Variants in ADGRG6 observed in about 807,000 individuals in gnomAD.
ADGRG6 encodes adhesion G protein-coupled receptor G6.
Under a neutral mutation model 142.4 loss-of-function variants are expected in ADGRG6, and 84 were observed. The observed-to-expected ratio is 0.59, with a 90% CI of 0.49 to 0.71. ADGRG6 has a LOEUF of 0.71. Ranked by LOEUF, ADGRG6 falls within the 30% of genes least tolerant of loss-of-function variation. The pLI, the probability that ADGRG6 is intolerant of heterozygous loss-of-function variation, is 0.00. For missense variants in ADGRG6, 1,367 were observed against 1,466.6 expected, an observed-to-expected ratio of 0.93 and a Z score of 1.11; for synonymous variants, 521 against 520.5, an observed-to-expected ratio of 1.00 and a Z score of -0.01.
At chr6:142,397,100 T>C (rs935037495) in intron 9 of ADGRG6, among the ~76,000 whole-genome samples, 1 of 151,450 alleles carries the variant, frequency 6.6e-6, no homozygotes, top group Non-Finnish European at 1.5e-5. Flanking sequence ...TAGAAAATCA[T>C]TTGTTGCTAT....
At chr6:142,407,547 CA>C (rs1283343930) in intron 15 of ADGRG6, among the ~76,000 whole-genome samples, 1 of 152,086 alleles carries the variant, frequency 6.6e-6, no homozygotes. Flanking sequence ...CTTATTGGTC[CA>C]AACCATTTTA....
At position 142,443,653 on chromosome 6, in the gene ADGRG6, G is replaced by T; in HGVS notation, c.*138G>T. ...AATGTATTTTGTTAAGAAGGCTTTTGTGAAATTCAGAATTTTTCTTTTTAA... is the reference window on the plus strand; with the variant it reads ...AATGTATTTTGTTAAGAAGGCTTTTTTGAAATTCAGAATTTTTCTTTTTAA... On this transcript the variant is annotated 3_prime_UTR_variant, in exon 25 of 25. Transcript: ENST00000367609. 1.8e-6 allele frequency: 1 copy of T among 543,464 alleles called. No homozygotes were observed. The highest frequency in any genetic ancestry group is 3.2e-5 in the East Asian group (1 of 31,348). 33.7% of individuals were successfully genotyped at this position (543,464 alleles called of 1,614,324 possible).
intron 2 of ADGRG6, among the ~76,000 whole-genome samples, chr6:142,349,626 C>T (rs1382335581): frequency 6.6e-6 from 1 of 152,182 alleles, no homozygotes; most frequent in East Asian, 1.9e-4. Context: ...GCCAGTGCTC[C>T]ACAGCATCTA....
chr6:142,329,350 A>G (rs145171183), intron 2 of ADGRG6, among the ~76,000 whole-genome samples: 11 of 152,246 alleles, frequency 7.2e-5, no homozygotes, highest in Non-Finnish European at 1.6e-4. Flanking sequence ...GTTGTTTGCA[A>G]TTTCATTTTA....
chr6:142,419,180 C>T (rs927901463), intron 21 of ADGRG6, among the ~76,000 whole-genome samples: 11 of 152,128 alleles, frequency 7.2e-5, no homozygotes, highest in Non-Finnish European at 1.5e-4. Flanking sequence ...TTGCACATGA[C>T]AAGAAACATG....
At chr6:142,314,603 C>G (rs1397811469) in intron 2 of ADGRG6, among the ~76,000 whole-genome samples, 1 of 152,110 alleles carries the variant, frequency 6.6e-6, no homozygotes, top group African/African-American at 2.4e-5. Flanking sequence ...TTTCGTGTAT[C>G]AATTTGTTTG....
rs1009020526 is a variant in ADGRG6, at chr6:142,379,640, G to A, written c.1070-2311G>A. Among the ~76,000 whole-genome samples the A allele has an allele frequency of 1.6e-4, 24 of 152,240 alleles. No individual in the cohort carries two copies. In the East Asian group the frequency reaches 2.3e-3, roughly 15 times the overall value. ...AAATTAGCCTGGCGTGGTGACGGGCGCCTGTAGTCCCAGCTACTCGGGAGG... is the reference window on the plus strand; with the variant it reads ...AAATTAGCCTGGCGTGGTGACGGGCACCTGTAGTCCCAGCTACTCGGGAGG... On this transcript the variant is annotated intron_variant, in intron 4 of 24. Coordinates refer to ENST00000367609, the MANE Select transcript of ADGRG6 (RefSeq NM_198569.3).
chr6:142,366,218 C>T (rs1461070524), intron 2 of ADGRG6, among the ~76,000 whole-genome samples: 4 of 152,174 alleles, frequency 2.6e-5, no homozygotes, highest in East Asian at 1.9e-4. Context: ...CCCCTGTCTA[C>T]CTCAGAAGGG....
At position 142,400,632 on chromosome 6, in the gene ADGRG6, A is replaced by G. The variant is rs187131337; in HGVS notation, c.1679+36A>G. 576 of 1,048,254 alleles carry G rather than the reference A, an allele frequency of 5.5e-4. 4 individuals carry two copies. The East Asian group carries it at 0.013, about 24-fold the overall frequency. 64.9% of individuals were successfully genotyped at this position (1,048,254 alleles called of 1,614,324 possible). On this transcript the variant is annotated intron_variant, in intron 11 of 24. Coordinates refer to ENST00000367609, the MANE Select transcript of ADGRG6 (RefSeq NM_198569.3). ...CACTGACTCTTGCCAGCAAAGCTAC[A>G]TGTTATCAGCCTTCCCAGGGTTATA...
At chr6:142,440,551 C>A (rs1261648297) in intron 24 of ADGRG6, among the ~76,000 whole-genome samples, 1 of 152,176 alleles carries the variant, frequency 6.6e-6, no homozygotes, top group Non-Finnish European at 1.5e-5. Flanking sequence ...CTGCCTCAGC[C>A]TCCCAGAGTC....
intron 2 of ADGRG6, among the ~76,000 whole-genome samples, chr6:142,321,185 GAATTA>G (rs1778495476): frequency 1.3e-5 from 2 of 151,728 alleles, no homozygotes; most frequent in South Asian, 4.2e-4. Flanking sequence ...ACAATAGTCT[GAATTA>G]AATTAAAAAA....
At chr6:142,434,980 A>T (rs1451226915) in intron 22 of ADGRG6, among the ~76,000 whole-genome samples, 1 of 152,140 alleles carries the variant, frequency 6.6e-6, no homozygotes, top group Non-Finnish European at 1.5e-5. Context: ...ATAACCTTAG[A>T]CTTATTTTGC....
chr6:142,316,434 T>TCTCATAACAGAAAA (rs1778072839), intron 2 of ADGRG6, among the ~76,000 whole-genome samples: 1 of 152,178 alleles, frequency 6.6e-6, no homozygotes, highest in Admixed American at 6.6e-5. Flanking sequence ...CTCATAATTT[T>TCTCATAACAGAAAA]TGCAAACAGA....
intron 3 of ADGRG6, among the ~76,000 whole-genome samples, chr6:142,369,170 G>A (rs1257838006): frequency 1.3e-5 from 2 of 151,988 alleles, no homozygotes; most frequent in African/African-American, 2.4e-5. Context: ...GTATTTTTGA[G>A]GAGAAATACT....
intron 22 of ADGRG6, among the ~76,000 whole-genome samples, chr6:142,434,523 A>G (rs779696820): frequency 6.6e-6 from 1 of 152,022 alleles, no homozygotes; most frequent in African/African-American, 2.4e-5. Context: ...ATGGGGTTTC[A>G]CTATGTTGGC....
chr6:142,428,197 ATC>A (rs1200387050), intron 22 of ADGRG6, among the ~76,000 whole-genome samples: 1 of 152,080 alleles, frequency 6.6e-6, no homozygotes, highest in African/African-American at 2.4e-5. Flanking sequence ...TGAAGAGTCT[ATC>A]TATAAAATTT....
chr6:142,435,937 T>A (rs1335243925), intron 22 of ADGRG6, among the ~76,000 whole-genome samples: 1 of 152,120 alleles, frequency 6.6e-6, no homozygotes. Context: ...AGAAGAGCGT[T>A]CAGCATGGTA....
intron 10 of ADGRG6, among the ~76,000 whole-genome samples, chr6:142,399,797 C>G (rs2115008036): frequency 6.6e-6 from 1 of 152,250 alleles, no homozygotes; most frequent in East Asian, 1.9e-4. Flanking sequence ...CTCACTAATG[C>G]TCAGTACTGA....
At chr6:142,374,918 C>T (rs1207036609) in intron 4 of ADGRG6, among the ~76,000 whole-genome samples, 3 of 152,100 alleles carry the variant, frequency 2.0e-5, no homozygotes, top group Non-Finnish European at 2.9e-5. Flanking sequence ...TATTTGTAGA[C>T]AGAACATTTA....
Sources: gnomAD v4.1 joint callset for allele counts (sites outside exome capture counted in the v4.1 genomes callset) on GRCh38, gnomAD v4.1.1 for gene constraint, MANE v1.5 for transcripts, NCBI Gene and HGNC (gene_info 2026-07-23, HGNC 2026-07-21) for gene names.